TONSL: variants seen among roughly 807,000 people sequenced by gnomAD.
TONSL encodes the protein tonsoku like, DNA repair protein.
Under a neutral mutation model 147.1 loss-of-function variants are expected in TONSL, and 112 were observed. That is an observed-to-expected ratio of 0.76 (90% CI 0.65 to 0.89). The LOEUF (loss-of-function observed/expected upper bound fraction) is 0.89, where lower values mean the gene tolerates loss of function less well. Ranked by LOEUF, TONSL falls within the 40% of genes least tolerant of loss-of-function variation. The probability of loss-of-function intolerance (pLI) is 0.00; values close to 1 mark genes in which losing one functional copy is unlikely to be tolerated. For missense variants in TONSL, 1,883 were observed against 1,864.6 expected, an observed-to-expected ratio of 1.01 and a Z score of -0.18; for synonymous variants, 868 against 801.5, an observed-to-expected ratio of 1.08 and a Z score of -1.40.
At chr8:144,441,553 C>T (rs775908724) in intron 7 of TONSL, 7 of 202,238 alleles carry the variant, frequency 3.5e-5, no homozygotes, top group East Asian at 2.7e-4. Context: ...GATCATGCCA[C>T]TGCACTCCAG....
At position 144,431,015 on chromosome 8, in the gene TONSL, C is replaced by G. The variant is rs1484670690; in HGVS notation, c.3809+63G>C. On this transcript the variant is annotated intron_variant, in intron 24 of 25. Coordinates refer to ENST00000409379, the MANE Select transcript of TONSL (RefSeq NM_013432.5). ...GGTACCATTTCTGTGGCCCTTCTCC[C>G]ATAGGGTCCAGAGCCATGAGATCAG... 3.2e-6 allele frequency: 5 copies of G among 1,580,310 alleles called. No individual in the cohort carries two copies. In the African/African-American group the frequency reaches 6.7e-5, roughly 21 times the overall value.
chr8:144,434,826 G>A lies in TONSL; in HGVS notation c.3070C>T (p.Gln1024Ter). 6.2e-7 allele frequency: 1 copy of A among 1,613,486 alleles called. No homozygotes were observed. The highest frequency in any genetic ancestry group is 8.5e-7 in the Non-Finnish European group (1 of 1,179,926). Reference sequence around the variant, plus strand: ...TGGCCCTCACCTTGCCCCAGGCTCTGGCAGGCCCTGCGGTAGCGGTCAGTC... The same window carrying A: ...TGGCCCTCACCTTGCCCCAGGCTCTAGCAGGCCCTGCGGTAGCGGTCAGTC... ...PLTDRYRRAC[Q>*]SLGQGEHQQV... The change falls in exon 20 of 26, where the codon CAG (glutamine) becomes TAG (stop). Residue 1024 changes from glutamine to a stop codon, truncating the protein, a stop_gained. Transcript: ENST00000409379. LOFTEE classifies it high-confidence loss of function.
chr8:144,441,825 A>G (rs1823730141), intron 7 of TONSL: 2 of 534,132 alleles, frequency 3.7e-6, no homozygotes, highest in South Asian at 2.3e-5. Context: ...CCCCTGACAC[A>G]CTGTGTTGAG....
rs1463495505 is a variant in TONSL, at chr8:144,443,981, C to T, written c.165G>A (p.Gln55=). 1.3e-6 allele frequency: 2 copies of T among 1,540,248 alleles called. No homozygotes were observed. Among genetic ancestry groups the T allele is most frequent in the African/African-American group, 1.4e-5 (1 of 73,044 alleles). Residue 55 remains glutamine, a synonymous_variant, in exon 3 of 26, where the codon CAG becomes CAA. Transcript: ENST00000409379. ...GAGGGTCGTCAGCGCGCTCCCGAAG[C>T]TGCAGCTCCTGCCAGTGCTGCTCCA... ...EALEQHWQEL[Q]LRERADDPLG...
rs1049069777 is a variant in TONSL, at chr8:144,428,936, T to C, written c.*207A>G. 61 of 525,512 alleles carry C rather than the reference T, an allele frequency of 1.2e-4. No homozygotes were observed. Among genetic ancestry groups the C allele is most frequent in the Non-Finnish European group, 1.5e-4 (48 of 313,042 alleles). The allele number at this position is 525,512 out of a possible 1,614,324, so 32.6% of individuals were successfully genotyped here. A position where few individuals can be genotyped will look rare whatever the true frequency, so the allele number is the denominator to read the frequency against. ...TCCGGAGTAGCTGGGACTACAGGCT[T>C]CCACCACCACGCCCGGCTAATTTTT... On this transcript the variant is annotated 3_prime_UTR_variant, in exon 26 of 26. Coordinates refer to ENST00000409379, the MANE Select transcript of TONSL (RefSeq NM_013432.5).
At chr8:144,444,144 C>T in intron 2 of TONSL, 36 bp downstream of exon 2, 1 of 1,372,074 alleles carries the variant, frequency 7.3e-7, no homozygotes, top group South Asian at 1.6e-5. Context: ...GCCCGGGCCC[C>T]GGCCCTGCCT....
Position 144,440,022 on chromosome 8 carries a change from GCC to G in TONSL, c.1477_1478del (p.Gly493ArgfsTer63), listed in dbSNP as rs1823642415. ...LEAGEVELSEGEDDTDGLTPQ... is the reference protein window; with the variant it reads ...LEAGEVELSEXEDDTDGLTPQ... ...ATGCAAGGTGCCGCTGGCCCTCACC[GCC>G]CTCTGAGAGCTCCACCTCGCCGGCC... On this transcript the variant is annotated frameshift_variant and splice_region_variant, in exon 11 of 26. Transcript: ENST00000409379. LOFTEE classifies it high-confidence loss of function. The G allele has an allele frequency of 8.4e-7, 1 of 1,193,172 alleles. No individual in the cohort carries two copies. The highest frequency in any genetic ancestry group is 1.3e-6 in the Non-Finnish European group (1 of 798,090). The allele number at this position is 1,193,172 out of a possible 1,614,324, so 73.9% of individuals were successfully genotyped here. A position where few individuals can be genotyped will look rare whatever the true frequency, so the allele number is the denominator to read the frequency against.
At chr8:144,431,275 C>T (rs13258903) in intron 23 of TONSL, 124 bp from the exon 24 acceptor site, 399,072 of 806,770 alleles carry the variant, frequency 0.49, 100,619 homozygotes, top group Middle Eastern at 0.6. Context: ...AGTTGGAGAT[C>T]GGAAGGAAAC....
chr8:144,433,997 G>A lies in TONSL; in HGVS notation c.3368C>T (p.Pro1123Leu), dbSNP rs1554879319. The stretch of plus-strand genomic sequence containing the variant: ...CTATACCTGCAAGGTGGCTTGGCCT[G>A]GGAGCCCCATGGCAAGCTGGCGCAG... ...EGLRQLAMGL[P>L]GQATLQSLEE... The change falls in exon 21 of 26, where the codon CCA becomes CTA. Residue 1123 changes from proline to leucine, a missense_variant. By Grantham distance (98) the Pro-to-Leu change is moderately conservative. Coordinates refer to ENST00000409379, the MANE Select transcript of TONSL (RefSeq NM_013432.5). 3 of 1,593,306 alleles carry A rather than the reference G, an allele frequency of 1.9e-6. No individual in the cohort carries two copies. In the African/African-American group the frequency reaches 4.0e-5, roughly 21 times the overall value.
rs768416803 is a variant in TONSL, at chr8:144,435,569, A to T, written c.2776-19T>A. 6.4e-7 allele frequency: 1 copy of T among 1,558,432 alleles called. No homozygotes were observed. Among genetic ancestry groups the T allele is most frequent in the East Asian group, 2.4e-5 (1 of 41,912 alleles). ...CCGGACCCTGGCAGGTGAAGGCAGC[A>T]GGGCTGAGTCAGGAGCCACAGTGGG... is the stretch of plus-strand genomic sequence containing the variant. On this transcript the variant is annotated intron_variant, in intron 17 of 25. Transcript: ENST00000409379.
At chr8:144,431,681 T>G (rs1311240826) in intron 23 of TONSL, among the ~76,000 whole-genome samples, 1 of 151,072 alleles carries the variant, frequency 6.6e-6, no homozygotes, top group Non-Finnish European at 1.5e-5. Flanking sequence ...CCCGGCTAAT[T>G]TTTTGTATTT....
At chr8:144,441,151 G>C (rs747785886) in intron 7 of TONSL, 40 bp from the exon 8 acceptor site, 356 of 1,603,754 alleles carry the variant, frequency 2.2e-4, no homozygotes, top group Non-Finnish European at 2.9e-4. Flanking sequence ...AGCACAGGGG[G>C]CCCTGACCCC....
At chr8:144,432,190 A>C in intron 23 of TONSL, 95 bp downstream of exon 23, 1 of 1,368,622 alleles carries the variant, frequency 7.3e-7, no homozygotes, top group Non-Finnish European at 1.0e-6. Context: ...CAGCGAGTTC[A>C]GCCCGAATCT....
Position 144,436,380 on chromosome 8 carries a change from G to A in TONSL, c.2053C>T (p.Leu685Phe), listed in dbSNP as rs772112495. 2 of 1,503,088 alleles carry A rather than the reference G, an allele frequency of 1.3e-6. No individual in the cohort carries two copies. The highest frequency in any genetic ancestry group is 2.6e-5 in the South Asian group (2 of 75,946). The allele number at this position is 1,503,088 out of a possible 1,614,324, so 93.1% of individuals were successfully genotyped here. A position where few individuals can be genotyped will look rare whatever the true frequency, so the allele number is the denominator to read the frequency against. Residue 685 changes from leucine to phenylalanine, a missense_variant, in exon 17 of 26, where the codon CTT (leucine) becomes TTT (phenylalanine). Transcript: ENST00000409379. The stretch of plus-strand genomic sequence containing the variant: ...GGAGAGGTCTCGGGGTCAAACAGAA[G>A]GCTGCTTGGGGTGTGGAAGGCCTGG... The part of the protein sequence containing the change: ...SSQAFHTPSS[L>F]LFDPETSPPL...
rs939475531 is a variant in TONSL at position 144,440,770 on chromosome 8, G to A, written c.1112C>T (p.Ala371Val). The A allele has an allele frequency of 1.9e-6, 3 of 1,612,880 alleles. No individual in the cohort carries two copies. Among genetic ancestry groups the A allele is most frequent in the Non-Finnish European group, 2.5e-6 (3 of 1,179,976 alleles). ...CAGTTCCTCCTCATAGTGGCGCACG[G>A]CCCCATGGTGGTCCTTCATGTCTCC... is the stretch of plus-strand genomic sequence containing the variant. Reference protein sequence around the residue: ...TLGDMKDHHGAVRHYEEELRL... With the variant: ...TLGDMKDHHGVVRHYEEELRL... Residue 371 changes from alanine (A) to valine (V), a missense_variant, in exon 9 of 26, where the codon GCC becomes GTC. Coordinates refer to ENST00000409379, the MANE Select transcript of TONSL (RefSeq NM_013432.5).
intron 23 of TONSL, 144 bp downstream of exon 23, chr8:144,432,141 C>G: frequency 1.0e-6 from 1 of 978,440 alleles, no homozygotes. Flanking sequence ...GCTGTTTTTT[C>G]TAAACCTCCA....
At position 144,442,007 on chromosome 8, in the gene TONSL, C is replaced by G. The variant is rs772448881; in HGVS notation, c.865+30G>C. The G allele has an allele frequency of 1.6e-5, 25 of 1,598,952 alleles. 1 individual carries two copies. Among genetic ancestry groups the G allele is most frequent in the Non-Finnish European group, 1.6e-5 (19 of 1,169,078 alleles). ...CCAGGCTCACCCCTGCACACACCTC[C>G]CAGGGCCCCATTCGCACCCCCAGGC... On this transcript the variant is annotated intron_variant, in intron 7 of 25. Coordinates refer to ENST00000409379, the MANE Select transcript of TONSL (RefSeq NM_013432.5).
chr8:144,434,373 C>G (rs1586685094), intron 20 of TONSL, 94 bp from the exon 21 acceptor site: 1 of 1,091,142 alleles, frequency 9.2e-7, no homozygotes, highest in Non-Finnish European at 1.3e-6. Context: ...TTCAACAGCC[C>G]CAGGGGTCAC....
chr8:144,429,284 C>A lies in TONSL; in HGVS notation c.3996G>T (p.Ala1332=), dbSNP rs376104257. 6.0e-5 allele frequency: 90 copies of A among 1,511,776 alleles called. No homozygotes were observed. Among genetic ancestry groups the A allele is most frequent in the Non-Finnish European group, 7.5e-5 (85 of 1,127,762 alleles). 93.6% of individuals were successfully genotyped at this position (1,511,776 alleles called of 1,614,324 possible). A position where few individuals can be genotyped will look rare whatever the true frequency, so the allele number is the denominator to read the frequency against. ...TGCACAGCTGCAGTTCCCGGAGCTG[C>A]GCGGCTATCTTGTCCCACAGGCCCA... ...LGLGLWDKIA[A]QLRELQLCSR... is the part of the protein sequence containing the mutation. The change falls in exon 26 of 26, where the codon GCG becomes GCT. Residue 1332 remains alanine, a synonymous_variant. Coordinates refer to ENST00000409379, the MANE Select transcript of TONSL (RefSeq NM_013432.5).
Sources: allele counts gnomAD v4.1 joint callset (sites outside exome capture counted in the v4.1 genomes callset), GRCh38; gene constraint gnomAD v4.1.1; transcripts MANE v1.5; gene names NCBI Gene and HGNC (gene_info 2026-07-23, HGNC 2026-07-21).